Variants in XKR6 observed in about 807,000 individuals in gnomAD.
The protein encoded by XKR6 is XK related 6, also known as XK-related protein 6.
A neutral mutation model predicts 56.7 loss-of-function variants in XKR6; 22 were observed. The ratio of observed to expected loss-of-function variants is 0.39; its 90% confidence interval spans 0.28 to 0.55. The LOEUF (loss-of-function observed/expected upper bound fraction) is 0.55. XKR6 is among the 20% of genes least tolerant of loss of function. XKR6 has a pLI of 0.66. For missense variants in XKR6, 852 were observed against 889.0 expected (o/e 0.96, Z 0.53); for synonymous variants, 524 against 387.8 (o/e 1.35, Z -4.13).
At chr8:11,039,610 C>G (rs1275543611) in intron 1 of XKR6, among the ~76,000 whole-genome samples, 1 of 152,214 alleles carries the variant, frequency 6.6e-6, no homozygotes, top group Non-Finnish European at 1.5e-5. Context: ...GTGGATGGAA[C>G]AAGACCTTCT....
At chr8:11,149,095 G>C (rs1001239766) in intron 1 of XKR6, among the ~76,000 whole-genome samples, 2 of 152,206 alleles carry the variant, frequency 1.3e-5, no homozygotes, top group African/African-American at 4.8e-5. Flanking sequence ...CCAAAATTCA[G>C]ATGTTGAAAG....
intron 1 of XKR6, among the ~76,000 whole-genome samples, chr8:11,027,485 C>T (rs140424365): frequency 4.6e-5 from 7 of 152,326 alleles, no homozygotes; most frequent in African/African-American, 1.7e-4. Flanking sequence ...CATTCATATT[C>T]GTTTCGTCAT....
intron 1 of XKR6, among the ~76,000 whole-genome samples, chr8:10,947,142 G>C (rs1171436371): frequency 6.6e-6 from 1 of 152,132 alleles, no homozygotes; most frequent in Admixed American, 6.5e-5. Context: ...CAGTGACTAC[G>C]AGTGAGGAGA....
chr8:11,160,204 A>G (rs1801724938), intron 1 of XKR6, among the ~76,000 whole-genome samples: 1 of 124,706 alleles, frequency 8.0e-6, no homozygotes, highest in African/African-American at 3.5e-5. Flanking sequence ...CAGAAACAAA[A>G]AAAAAGTAAA....
intron 1 of XKR6, among the ~76,000 whole-genome samples, chr8:10,925,579 G>C (rs1019316012): frequency 6.6e-6 from 1 of 152,208 alleles, no homozygotes; most frequent in Non-Finnish European, 1.5e-5. Flanking sequence ...CTGTGTGGGA[G>C]GGCTGAGGGG....
chr8:11,186,965 A>G (rs904831621), intron 1 of XKR6, among the ~76,000 whole-genome samples: 3 of 152,212 alleles, frequency 2.0e-5, no homozygotes, highest in African/African-American at 7.2e-5. Flanking sequence ...ACCCTTCAAA[A>G]AGAAAGAGAA....
chr8:11,098,809 A>C (rs1161282307), intron 1 of XKR6, among the ~76,000 whole-genome samples: 1 of 152,172 alleles, frequency 6.6e-6, no homozygotes, highest in Non-Finnish European at 1.5e-5. Context: ...TTTGAATCTT[A>C]AGTGGGGCTA....
intron 1 of XKR6, among the ~76,000 whole-genome samples, chr8:11,111,454 C>T (rs561264447): frequency 1.3e-5 from 2 of 152,206 alleles, no homozygotes; most frequent in East Asian, 1.9e-4. Context: ...ATTCTGAGAC[C>T]GGTTCCAGAC....
At chr8:10,905,481 G>T (rs911256933) in intron 2 of XKR6, among the ~76,000 whole-genome samples, 1 of 152,212 alleles carries the variant, frequency 6.6e-6, no homozygotes, top group Non-Finnish European at 1.5e-5. Context: ...CGAAACAGCA[G>T]TGAAGAGACG....
chr8:11,132,767 G>GCACACACACACA (rs149748655), intron 1 of XKR6, among the ~76,000 whole-genome samples: 39,570 of 137,998 alleles, frequency 0.29, 6,254 homozygotes, highest in Middle Eastern at 0.41. Context: ...ACACACGCAC[G>GCACACACACACA]CACACACACA....
intron 1 of XKR6, among the ~76,000 whole-genome samples, chr8:11,114,282 C>G (rs551802973): frequency 7.2e-5 from 11 of 152,242 alleles, no homozygotes; most frequent in African/African-American, 2.6e-4. Context: ...CGCTGGGTAT[C>G]GTAACAACTG....
chr8:11,051,480 G>A (rs1368775083), intron 1 of XKR6, among the ~76,000 whole-genome samples: 2 of 152,110 alleles, frequency 1.3e-5, no homozygotes, highest in African/African-American at 4.8e-5. Flanking sequence ...TCCCCTCCAG[G>A]CCTGTTCTTC....
intron 1 of XKR6, among the ~76,000 whole-genome samples, chr8:10,962,951 G>C (rs1005342283): frequency 2.6e-5 from 4 of 152,154 alleles, no homozygotes; most frequent in Non-Finnish European, 5.9e-5. Context: ...AGCTGGATAG[G>C]ATCCCAGTTG....
chr8:11,070,835 G>A (rs899862970), intron 1 of XKR6, among the ~76,000 whole-genome samples: 3 of 152,180 alleles, frequency 2.0e-5, no homozygotes, highest in Non-Finnish European at 4.4e-5. Context: ...GAAAACCAAG[G>A]ATCAAGACGG....
At chr8:11,052,192 C>T (rs1015324168) in intron 1 of XKR6, among the ~76,000 whole-genome samples, 1 of 152,124 alleles carries the variant, frequency 6.6e-6, no homozygotes, top group Non-Finnish European at 1.5e-5. Flanking sequence ...CGCTTGGGGT[C>T]TCCTGCCTGG....
chr8:11,120,359 C>T lies in XKR6; in HGVS notation c.764+80217G>A, dbSNP rs918403027. Among the ~76,000 whole-genome samples, 64 of 152,188 alleles carry T rather than the reference C, an allele frequency of 4.2e-4. 2 individuals carry two copies. Among genetic ancestry groups the T allele is most frequent in the African/African-American group, 1.0e-3 (43 of 41,524 alleles). ...GAAGTCTCAGGATACAAAATCAATG[C>T]GCAAAAATCACAAGCATTCTTATAC... is the stretch of plus-strand genomic sequence containing the variant. On this transcript the variant is annotated intron_variant, in intron 1 of 2. Coordinates refer to ENST00000416569, the MANE Select transcript of XKR6 (RefSeq NM_173683.4).
At chr8:10,951,299 G>C in intron 1 of XKR6, among the ~76,000 whole-genome samples, 1 of 117,586 alleles carries the variant, frequency 8.5e-6, no homozygotes, top group South Asian at 2.5e-4. Context: ...GTGTGTGTGT[G>C]GGGGGGGGGG....
At chr8:10,911,232 GT>G (rs1800350727) in intron 2 of XKR6, among the ~76,000 whole-genome samples, 1 of 141,860 alleles carries the variant, frequency 7.0e-6, no homozygotes, top group African/African-American at 2.9e-5. Context: ...GTGTGTGTGT[GT>G]GTGTATAGAG....
chr8:10,995,082 G>T (rs1328498814), intron 1 of XKR6, among the ~76,000 whole-genome samples: 1 of 152,186 alleles, frequency 6.6e-6, no homozygotes, highest in East Asian at 1.9e-4. Flanking sequence ...CGAGACTCAG[G>T]CTAGGTCAAC....
Sources: allele counts gnomAD v4.1 joint callset (sites outside exome capture counted in the v4.1 genomes callset), GRCh38; gene constraint gnomAD v4.1.1; transcripts MANE v1.5; gene names NCBI Gene and HGNC (gene_info 2026-07-23, HGNC 2026-07-21).